ALK: variants seen among roughly 807,000 people sequenced by gnomAD.
ALK encodes ALK tyrosine kinase receptor.
Under a neutral mutation model 163.1 loss-of-function variants are expected in ALK, and 74 were observed. The observed-to-expected ratio is 0.45, with a 90% CI of 0.38 to 0.55. The LOEUF is 0.55. Ranked by LOEUF, ALK falls within the 20% of genes least tolerant of loss-of-function variation. ALK has a pLI of 0.00. For synonymous variants in ALK, 960 were observed against 843.2 expected (o/e 1.14, Z -2.40); for missense variants, 2,063 against 2,105.3 (o/e 0.98, Z 0.39).
intron 1 of ALK, among the ~76,000 whole-genome samples, chr2:29,902,967 G>A (rs952025304): frequency 2.0e-5 from 3 of 152,132 alleles, no homozygotes; most frequent in African/African-American, 7.2e-5. Flanking sequence ...CCCTCAACCT[G>A]GTGGGGTTGG....
At chr2:29,615,637 C>A (rs558353756) in intron 3 of ALK, among the ~76,000 whole-genome samples, 2 of 152,330 alleles carry the variant, frequency 1.3e-5, no homozygotes, top group South Asian at 4.1e-4. Context: ...ACTGACCCCA[C>A]AATCCTTGAC....
At chr2:29,654,691 A>G (rs1677130035) in intron 3 of ALK, among the ~76,000 whole-genome samples, 1 of 152,206 alleles carries the variant, frequency 6.6e-6, no homozygotes, top group Non-Finnish European at 1.5e-5. Flanking sequence ...CTCTCCAGGC[A>G]TATTGAAAGA....
At chr2:29,887,909 C>T (rs1667026027) in intron 1 of ALK, among the ~76,000 whole-genome samples, 1 of 152,176 alleles carries the variant, frequency 6.6e-6, no homozygotes, top group South Asian at 2.1e-4. Context: ...AGAAACATCC[C>T]TGTGTTTAGA....
At chr2:29,569,434 C>T (rs1674290118) in intron 3 of ALK, among the ~76,000 whole-genome samples, 1 of 152,126 alleles carries the variant, frequency 6.6e-6, no homozygotes, top group African/African-American at 2.4e-5. Flanking sequence ...ATCTCAGTTT[C>T]CTTGTCTATA....
intron 5 of ALK, among the ~76,000 whole-genome samples, chr2:29,364,557 AT>A (rs1489390873): frequency 6.6e-6 from 1 of 152,128 alleles, no homozygotes; most frequent in Non-Finnish European, 1.5e-5. Context: ...TACATCCTGG[AT>A]TTCACTATCA....
intron 5 of ALK, among the ~76,000 whole-genome samples, chr2:29,372,393 T>C (rs1668658865): frequency 6.6e-6 from 1 of 152,180 alleles, no homozygotes; most frequent in South Asian, 2.1e-4. Flanking sequence ...TAGTTCACTG[T>C]TGGTCCAGTT....
chr2:29,260,108 C>T (rs1158853193), intron 11 of ALK, among the ~76,000 whole-genome samples: 5 of 152,142 alleles, frequency 3.3e-5, no homozygotes, highest in Admixed American at 3.3e-4. Flanking sequence ...AAGGCATAAA[C>T]TGTTGTGTTT....
chr2:29,562,892 T>C, intron 3 of ALK, among the ~76,000 whole-genome samples: 1 of 152,236 alleles, frequency 6.6e-6, no homozygotes. Context: ...TGGGTCTATC[T>C]TAAGTAGGGT....
chr2:29,604,572 A>G (rs1450696928), intron 3 of ALK, among the ~76,000 whole-genome samples: 1 of 152,204 alleles, frequency 6.6e-6, no homozygotes, highest in African/African-American at 2.4e-5. Context: ...ACATGGGATA[A>G]AAGATGCTTT....
At chr2:29,430,648 T>A (rs1179199859) in intron 4 of ALK, among the ~76,000 whole-genome samples, 3 of 152,214 alleles carry the variant, frequency 2.0e-5, no homozygotes, top group Non-Finnish European at 4.4e-5. Context: ...ATACAGCTAG[T>A]AAGTCAATTC....
chr2:29,230,279 A>G (rs1275110900), intron 15 of ALK, among the ~76,000 whole-genome samples: 1 of 138,514 alleles, frequency 7.2e-6, no homozygotes, highest in East Asian at 2.1e-4. Context: ...TTCAGTAAAG[A>G]CACAATCATC....
intron 1 of ALK, among the ~76,000 whole-genome samples, chr2:29,891,295 G>A (rs1186225531): frequency 1.3e-5 from 2 of 152,240 alleles, no homozygotes; most frequent in Middle Eastern, 6.8e-3. Flanking sequence ...ACAGTTTAAG[G>A]ATGTCTTGCA....
At chr2:29,829,505 T>C (rs1558507302) in intron 1 of ALK, among the ~76,000 whole-genome samples, 1 of 152,170 alleles carries the variant, frequency 6.6e-6, no homozygotes, top group African/African-American at 2.4e-5. Context: ...TCCTACTGCA[T>C]GTTGCCCAAG....
Position 29,548,826 on chromosome 2 carries a change from TG to T in ALK, c.953-16711del, listed in dbSNP as rs138094286. On this transcript the variant is annotated intron_variant, in intron 3 of 28. Coordinates refer to ENST00000389048, the MANE Select transcript of ALK (RefSeq NM_004304.5). ...GCAGTGTCATATTTCTTATTTACCT[TG>T]GGGGGGATGTTTTTCCTTTTTGAAC... Among the ~76,000 whole-genome samples, 6 of 152,224 alleles carry T rather than the reference TG, an allele frequency of 3.9e-5. No homozygotes were observed. The South Asian group carries it at 8.3e-4, about 21-fold the overall frequency.
intron 3 of ALK, among the ~76,000 whole-genome samples, chr2:29,606,499 T>G (rs965326010): frequency 6.6e-6 from 1 of 152,320 alleles, no homozygotes; most frequent in Admixed American, 6.5e-5. Flanking sequence ...AAATAGCCCC[T>G]GCCAAAGAGA....
intron 3 of ALK, among the ~76,000 whole-genome samples, chr2:29,610,758 C>T (rs1675669049): frequency 6.6e-6 from 1 of 152,166 alleles, no homozygotes; most frequent in Non-Finnish European, 1.5e-5. Flanking sequence ...TGGGCATCCG[C>T]ATCAAATCAT....
intron 1 of ALK, among the ~76,000 whole-genome samples, chr2:29,840,801 T>TA (rs1191360379): frequency 6.6e-6 from 1 of 152,254 alleles, no homozygotes; most frequent in African/African-American, 2.4e-5. Context: ...TGCATTATCT[T>TA]ATCTGACCTT....
At chr2:29,490,461 G>A (rs1049475372) in intron 4 of ALK, among the ~76,000 whole-genome samples, 1 of 152,202 alleles carries the variant, frequency 6.6e-6, no homozygotes, top group Admixed American at 6.5e-5. Flanking sequence ...AGCGGCATCA[G>A]CATCATCTGG....
chr2:29,519,573 G>T lies in ALK; in HGVS notation c.1154+12342C>A, dbSNP rs148976882. Among the ~76,000 whole-genome samples, 838 of 152,312 alleles carry T rather than the reference G, an allele frequency of 5.5e-3. 5 individuals are homozygous for T. The highest frequency in any genetic ancestry group is 0.011 in the Admixed American group (170 of 15,306). On this transcript the variant is annotated intron_variant, in intron 4 of 28. Transcript: ENST00000389048. ...CTCACATCCCACACACAATGTACCT[G>T]CTGCCACCACCTCCTGGAACCCTGG...
Sources: gnomAD v4.1 joint callset for allele counts (sites outside exome capture counted in the v4.1 genomes callset) on GRCh38, gnomAD v4.1.1 for gene constraint, MANE v1.5 for transcripts, NCBI Gene and HGNC (gene_info 2026-07-23, HGNC 2026-07-21) for gene names.